Variants in DNAJC27 observed in about 807,000 individuals in gnomAD.
The protein encoded by DNAJC27 is DnaJ heat shock protein family (Hsp40) member C27.
DNAJC27 carries 25 observed loss-of-function variants against 31.4 expected under a neutral mutation model. The ratio of observed to expected loss-of-function variants is 0.80; its 90% CI spans 0.58 to 1.11. The LOEUF (loss-of-function observed/expected upper bound fraction) is 1.11. Among genes scored for constraint, DNAJC27 ranks in the 50% most tolerant of loss-of-function variants. The pLI is 0.00. For missense variants in DNAJC27, 356 were observed against 347.3 expected, an observed-to-expected ratio of 1.02 and a Z score of -0.20; for synonymous variants, 106 against 112.7, an observed-to-expected ratio of 0.94 and a Z score of 0.37.
chr2:24,949,005 GGA>G (rs1297186330), intron 6 of DNAJC27, among the ~76,000 whole-genome samples: 1 of 152,156 alleles, frequency 6.6e-6, no homozygotes, highest in Non-Finnish European at 1.5e-5. Flanking sequence ...GTATCAGCTT[GGA>G]GAGACTGAGG....
At chr2:24,951,344 G>T in intron 6 of DNAJC27, 50 bp downstream of exon 6, 1 of 1,539,114 alleles carries the variant, frequency 6.5e-7, no homozygotes, top group South Asian at 1.3e-5. Context: ...TTTGGTGATG[G>T]AGTCTTTCTT....
chr2:24,971,599 C>T, intron 1 of DNAJC27: 1 of 473,804 alleles, frequency 2.1e-6, no homozygotes, highest in Non-Finnish European at 3.8e-6. Context: ...CCCCAGACAC[C>T]ATCTCCGGAA....
rs1222339872 is a variant in DNAJC27, at chr2:24,946,866, T to C, written c.*750A>G. ...CCTCATTCCCAGGTGCACAGTGCTC[T>C]CTACTGCTACCAGCAACCATTTCTA... On this transcript the variant is annotated 3_prime_UTR_variant, in exon 7 of 7. Transcript: ENST00000264711. The C allele has an allele frequency of 6.6e-6, 1 of 152,192 alleles. No individual in the cohort carries two copies. Among genetic ancestry groups the C allele is most frequent in the Non-Finnish European group, 1.5e-5 (1 of 68,088 alleles). 9.4% of individuals were successfully genotyped at this position (152,192 alleles called of 1,614,324 possible).
chr2:24,953,218 T>G (rs1287098454), intron 5 of DNAJC27, among the ~76,000 whole-genome samples: 3 of 152,252 alleles, frequency 2.0e-5, no homozygotes, highest in Non-Finnish European at 4.4e-5. Flanking sequence ...TCTTCTTTTT[T>G]GGATTCTTTT....
At chr2:24,955,323 C>T (rs1178450015) in intron 5 of DNAJC27, among the ~76,000 whole-genome samples, 1 of 152,018 alleles carries the variant, frequency 6.6e-6, no homozygotes, top group Non-Finnish European at 1.5e-5. Flanking sequence ...AGTAGATTGT[C>T]AGTGGTGAAG....
intron 1 of DNAJC27, among the ~76,000 whole-genome samples, chr2:24,970,460 C>CTTTTTT (rs35742187): frequency 4.2e-5 from 5 of 120,110 alleles, no homozygotes; most frequent in East Asian, 2.4e-4. Context: ...AGTAAAATTA[C>CTTTTTT]TTTTTTTTTT....
At chr2:24,952,853 G>A (rs1254200238) in intron 5 of DNAJC27, among the ~76,000 whole-genome samples, 3 of 152,090 alleles carry the variant, frequency 2.0e-5, no homozygotes, top group African/African-American at 7.2e-5. Context: ...GTGAAAGTGG[G>A]TATCTTTCCA....
intron 2 of DNAJC27, among the ~76,000 whole-genome samples, chr2:24,963,918 C>T (rs746570110): frequency 2.0e-5 from 3 of 152,164 alleles, no homozygotes; most frequent in Non-Finnish European, 2.9e-5. Context: ...ATATTAATGA[C>T]GTCTGTTTAA....
At chr2:24,963,601 A>G (rs748084533) in intron 2 of DNAJC27, 127 bp from the exon 3 acceptor site, 11 of 645,314 alleles carry the variant, frequency 1.7e-5, no homozygotes, top group Non-Finnish European at 2.8e-5. Flanking sequence ...CCTCTTCCTC[A>G]TTCCAGATCA....
Position 24,951,388 on chromosome 2 carries a change from G to T in DNAJC27, c.689+6C>A, listed in dbSNP as rs760685900. 2 of 1,607,178 alleles carry T rather than the reference G, an allele frequency of 1.2e-6. No individual in the cohort carries two copies. The highest frequency in any genetic ancestry group is 2.2e-5 in the South Asian group (2 of 89,562). ...CAATCAGCACTAAGTATCCCAGAGC[G>T]CTTACCTTGAGGCCCCAGGTTTGAC... On this transcript the variant is annotated splice_donor_region_variant and intron_variant, in intron 6 of 6. Coordinates refer to ENST00000264711, the MANE Select transcript of DNAJC27 (RefSeq NM_016544.3).
rs2149118776 is a variant in DNAJC27 at position 24,946,480 on chromosome 2, T to C, written c.*1136A>G. On this transcript the variant is annotated 3_prime_UTR_variant, in exon 7 of 7. Coordinates refer to ENST00000264711, the MANE Select transcript of DNAJC27 (RefSeq NM_016544.3). ...AGGGGAAAAAAGGAAGAAACAACAC[T>C]GGTGAGGAAGTGTAGAAGAGGCCAA... is the stretch of plus-strand genomic sequence containing the variant. 6.6e-6 allele frequency: 1 copy of C among 152,364 alleles called. No individual in the cohort carries two copies. Among genetic ancestry groups the C allele is most frequent in the East Asian group, 1.9e-4 (1 of 5,162 alleles). 9.4% of individuals were successfully genotyped at this position (152,364 alleles called of 1,614,324 possible). A position where few individuals can be genotyped will look rare whatever the true frequency, so the allele number is the denominator to read the frequency against.
At position 24,965,176 on chromosome 2, in the gene DNAJC27, C is replaced by T. The variant is rs368328852; in HGVS notation, c.171-1702G>A. ...AGCTGAGGTTGCAGTGAGCCAAGAT[C>T]GCGCCACTGCACTCCAGCCTGAGCG... On this transcript the variant is annotated intron_variant, in intron 2 of 6. Coordinates refer to ENST00000264711, the MANE Select transcript of DNAJC27 (RefSeq NM_016544.3). Among the ~76,000 whole-genome samples, 143 of 151,566 alleles carry T rather than the reference C, an allele frequency of 9.4e-4. 1 individual carries two copies. Among genetic ancestry groups the T allele is most frequent in the African/African-American group, 3.3e-3 (136 of 41,306 alleles).
Position 24,971,865 on chromosome 2 carries a change from A to G in DNAJC27, c.40T>C (p.Ser14Pro), listed in dbSNP as rs145542720. The change falls in exon 1 of 7, where the codon TCT (serine) becomes CCT (proline). Residue 14 changes from serine to proline, a missense_variant. By Grantham distance (74) the Ser-to-Pro change is moderately conservative. Coordinates refer to ENST00000264711, the MANE Select transcript of DNAJC27 (RefSeq NM_016544.3). ...NMPKRKEPGRSLRIKVISMGN... is the reference protein window; with the variant it reads ...NMPKRKEPGRPLRIKVISMGN... Reference sequence around the variant, plus strand: ...ATGGAGATGACTTTGATGCGGAGAGACCTGCCGGGCTCCTTCCGCTTCGGC... The same window carrying G: ...ATGGAGATGACTTTGATGCGGAGAGGCCTGCCGGGCTCCTTCCGCTTCGGC... The G allele has an allele frequency of 1.6e-4, 250 of 1,607,732 alleles. 1 individual carries two copies. The African/African-American group carries it at 2.9e-3, about 18-fold the overall frequency.
chr2:24,960,880 C>T (rs1666024070), intron 3 of DNAJC27, among the ~76,000 whole-genome samples: 1 of 152,256 alleles, frequency 6.6e-6, no homozygotes, highest in Admixed American at 6.5e-5. Context: ...CATGAAGCAG[C>T]ACATGCTGAT....
At chr2:24,957,729 T>C in intron 4 of DNAJC27, 81 bp downstream of exon 4, 1 of 1,319,164 alleles carries the variant, frequency 7.6e-7, no homozygotes. Context: ...ATAAGGAATT[T>C]TTCTTTTCTT....
intron 5 of DNAJC27, among the ~76,000 whole-genome samples, chr2:24,953,343 G>A (rs919264865): frequency 2.0e-5 from 3 of 152,060 alleles, no homozygotes. Context: ...TCTGAAAAGG[G>A]GTGTCAAAGG....
rs1264459613 is a variant in DNAJC27 at position 24,946,993 on chromosome 2, C to T, written c.*623G>A. 1 of 152,262 alleles carries T rather than the reference C, an allele frequency of 6.6e-6. No individual in the cohort carries two copies. Among genetic ancestry groups the T allele is most frequent in the East Asian group, 1.9e-4 (1 of 5,200 alleles). The allele number at this position is 152,262 out of a possible 1,614,324, so 9.4% of individuals were successfully genotyped here. A position where few individuals can be genotyped will look rare whatever the true frequency, so the allele number is the denominator to read the frequency against. The stretch of plus-strand genomic sequence containing the variant: ...CTTTTCTCTTAGGACTGGCTTGTCT[C>T]TCCCACTGGTGGCTGCAGAAGAGGA... On this transcript the variant is annotated 3_prime_UTR_variant, in exon 7 of 7. Transcript: ENST00000264711.
chr2:24,943,765 T>C lies in DNAJC27; in HGVS notation c.*3851A>G, dbSNP rs1281437875. 6.6e-6 allele frequency: 1 copy of C among 152,652 alleles called. No individual in the cohort carries two copies. Among genetic ancestry groups the C allele is most frequent in the Non-Finnish European group, 1.5e-5 (1 of 68,034 alleles). 9.5% of individuals were successfully genotyped at this position (152,652 alleles called of 1,614,324 possible). ...TTCAACAGAAAGAAAATATGTAAAT[T>C]ACCTTGTAAGAGCAAAGAGTTCATT... is the stretch of plus-strand genomic sequence containing the variant. On this transcript the variant is annotated 3_prime_UTR_variant, in exon 7 of 7. Coordinates refer to ENST00000264711, the MANE Select transcript of DNAJC27 (RefSeq NM_016544.3).
chr2:24,956,998 C>T (rs1665918619), intron 5 of DNAJC27, 45 bp downstream of exon 5: 1 of 1,574,936 alleles, frequency 6.3e-7, no homozygotes. Context: ...AAAATTGGCA[C>T]AGTGGCCTTG....
Sources: gnomAD v4.1 joint callset for allele counts (sites outside exome capture counted in the v4.1 genomes callset) on GRCh38, gnomAD v4.1.1 for gene constraint, MANE v1.5 for transcripts, NCBI Gene and HGNC (gene_info 2026-07-23, HGNC 2026-07-21) for gene names.